The following ST18 variants were observed in gnomAD, a reference collection of about 807,000 sequenced individuals.
ST18 encodes suppression of tumorigenicity 18 protein.
ST18 carries 50 observed loss-of-function variants against 110.0 expected under a neutral mutation model. That is an observed-to-expected ratio of 0.45 (90% confidence interval 0.36 to 0.58). The LOEUF (loss-of-function observed/expected upper bound fraction) is 0.58, where lower values mean the gene tolerates loss of function less well. Ranked by LOEUF, ST18 falls within the 20% of genes least tolerant of loss-of-function variation. The pLI, the probability that ST18 is intolerant of heterozygous loss-of-function variation, is 0.00. For synonymous variants in ST18, 461 were observed against 452.4 expected (o/e 1.02, Z -0.24); for missense variants, 1,306 against 1,280.1 (o/e 1.02, Z -0.31).
chr8:52,340,815 C>A (rs571068919), intron 2 of ST18, among the ~76,000 whole-genome samples: 145 of 152,194 alleles, frequency 9.5e-4, no homozygotes, highest in African/African-American at 3.4e-3. Context: ...TCACCAAACT[C>A]GTCTTAATTG....
chr8:52,260,771 C>T (rs1326574265), intron 2 of ST18, among the ~76,000 whole-genome samples: 1 of 152,160 alleles, frequency 6.6e-6, no homozygotes, highest in Non-Finnish European at 1.5e-5. Context: ...TTATTCCCCT[C>T]TTTACAGAAA....
At chr8:52,348,556 C>G (rs1818775206) in intron 2 of ST18, among the ~76,000 whole-genome samples, 1 of 152,172 alleles carries the variant, frequency 6.6e-6, no homozygotes, top group Non-Finnish European at 1.5e-5. Context: ...ACCAGCCTGG[C>G]CAACATGGTG....
intron 10 of ST18, 137 bp from the exon 11 acceptor site, chr8:52,167,123 C>T: frequency 1.6e-6 from 2 of 1,220,868 alleles, no homozygotes; most frequent in African/African-American, 1.5e-5. Flanking sequence ...TCGCCTTGAA[C>T]AAGACCCTCA....
intron 8 of ST18, among the ~76,000 whole-genome samples, chr8:52,186,611 A>G (rs532839259): frequency 4.0e-4 from 61 of 152,338 alleles, no homozygotes; most frequent in African/African-American, 1.4e-3. Context: ...GGTATGTTCA[A>G]TAATATTCAC....
At chr8:52,114,636 T>TTTGTTG (rs2041876756) in intron 25 of ST18, among the ~76,000 whole-genome samples, 3 of 152,332 alleles carry the variant, frequency 2.0e-5, no homozygotes, top group African/African-American at 7.2e-5. Flanking sequence ...CTTTCCTGCC[T>TTTGTTG]TTGTTGTGCC....
At chr8:52,174,552 G>A (rs1327066505) in intron 9 of ST18, among the ~76,000 whole-genome samples, 1 of 152,180 alleles carries the variant, frequency 6.6e-6, no homozygotes, top group South Asian at 2.1e-4. Flanking sequence ...TAGCTACATA[G>A]TTTAAAATAT....
At chr8:52,302,863 G>A (rs1179861318) in intron 2 of ST18, among the ~76,000 whole-genome samples, 1 of 152,008 alleles carries the variant, frequency 6.6e-6, no homozygotes, top group African/African-American at 2.4e-5. Flanking sequence ...TACATAGAAG[G>A]AAGTCATTAG....
intron 2 of ST18, among the ~76,000 whole-genome samples, chr8:52,316,708 G>A (rs1283570823): frequency 1.3e-5 from 2 of 152,254 alleles, no homozygotes; most frequent in Non-Finnish European, 2.9e-5. Flanking sequence ...TTTTTTGTAT[G>A]GTTAATGTCT....
At position 52,149,980 on chromosome 8, in the gene ST18, G is replaced by C; in HGVS notation, c.1807-3C>G. On this transcript the variant is annotated splice_polypyrimidine_tract_variant and splice_region_variant and intron_variant, in intron 15 of 25. Coordinates refer to ENST00000689386, the MANE Select transcript of ST18 (RefSeq NM_001352837.2). The stretch of plus-strand genomic sequence containing the variant: ...TCATCCACTTCTATTTCGGCTCCCT[G>C]GTATACAATAGGAAACAGAAAAACA... The C allele has an allele frequency of 6.2e-7, 1 of 1,611,942 alleles. No individual in the cohort carries two copies. The highest frequency in any genetic ancestry group is 8.5e-7 in the Non-Finnish European group (1 of 1,178,964).
chr8:52,165,300 A>C, intron 11 of ST18, 75 bp from the exon 12 acceptor site: 48 of 1,454,658 alleles, frequency 3.3e-5, no homozygotes, highest in Non-Finnish European at 4.3e-5. Flanking sequence ...TGTATCTCTC[A>C]ACTTTGCATT....
At chr8:52,321,423 T>A (rs1589886513) in intron 2 of ST18, among the ~76,000 whole-genome samples, 2 of 152,386 alleles carry the variant, frequency 1.3e-5, no homozygotes, top group East Asian at 3.9e-4. Flanking sequence ...GAAGCATTTT[T>A]GAAGGATCTA....
chr8:52,247,827 A>G (rs1589255070), intron 2 of ST18, among the ~76,000 whole-genome samples: 1 of 152,200 alleles, frequency 6.6e-6, no homozygotes, highest in Non-Finnish European at 1.5e-5. Flanking sequence ...AAAAATCTCA[A>G]CTTAGTAAAA....
At chr8:52,402,930 G>A (rs1203438565) in intron 2 of ST18, among the ~76,000 whole-genome samples, 1 of 152,142 alleles carries the variant, frequency 6.6e-6, no homozygotes, top group Non-Finnish European at 1.5e-5. Flanking sequence ...CTGCTGGGCT[G>A]GGATCCAGGA....
chr8:52,290,569 T>C (rs183873857), intron 2 of ST18, among the ~76,000 whole-genome samples: 3 of 152,324 alleles, frequency 2.0e-5, no homozygotes, highest in African/African-American at 7.2e-5. Context: ...AATGCGTTGA[T>C]TGGCTGACAC....
At chr8:52,153,550 G>A (rs549684861) in intron 15 of ST18, among the ~76,000 whole-genome samples, 1 of 152,208 alleles carries the variant, frequency 6.6e-6, no homozygotes, top group Non-Finnish European at 1.5e-5. Flanking sequence ...TATTAAAGCT[G>A]TTTAGATTAT....
chr8:52,367,977 C>T (rs1270153305), intron 2 of ST18, among the ~76,000 whole-genome samples: 1 of 152,172 alleles, frequency 6.6e-6, no homozygotes, highest in Non-Finnish European at 1.5e-5. Context: ...AGTATTTCTG[C>T]AGGATTATAA....
At chr8:52,374,245 G>T (rs978251065) in intron 2 of ST18, among the ~76,000 whole-genome samples, 1 of 152,146 alleles carries the variant, frequency 6.6e-6, no homozygotes, top group Non-Finnish European at 1.5e-5. Flanking sequence ...AGTATGACTG[G>T]TGTCCTTAGA....
At chr8:52,302,796 A>T (rs190923699) in intron 2 of ST18, among the ~76,000 whole-genome samples, 1 of 152,328 alleles carries the variant, frequency 6.6e-6, no homozygotes, top group Non-Finnish European at 1.5e-5. Flanking sequence ...AGATATAAAA[A>T]TATATTTTAA....
chr8:52,348,195 T>C (rs1818594027), intron 2 of ST18, among the ~76,000 whole-genome samples: 1 of 152,196 alleles, frequency 6.6e-6, no homozygotes, highest in African/African-American at 2.4e-5. Context: ...TAAAATATTT[T>C]ATATCTGATC....
Sources: gnomAD v4.1 joint callset for allele counts (sites outside exome capture counted in the v4.1 genomes callset) on GRCh38, gnomAD v4.1.1 for gene constraint, MANE v1.5 for transcripts, NCBI Gene and HGNC (gene_info 2026-07-23, HGNC 2026-07-21) for gene names.